LRP2: variants seen among roughly 807,000 people sequenced by gnomAD.
The protein encoded by LRP2 is low-density lipoprotein receptor-related protein 2.
LRP2 carries 172 observed loss-of-function variants against 531.0 expected under a neutral mutation model. The ratio of observed to expected loss-of-function variants is 0.32; its 90% CI spans 0.29 to 0.37. LRP2 has a LOEUF of 0.37. Among genes scored for constraint, LRP2 ranks in the 10% least tolerant of loss-of-function variants. The pLI is 1.00. For missense variants in LRP2, 5,167 were observed against 5,868.3 expected (o/e 0.88, Z 3.90); for synonymous variants, 1,992 against 2,027.6 (o/e 0.98, Z 0.47).
intron 33 of LRP2, among the ~76,000 whole-genome samples, chr2:169,223,390 T>TC (rs1689085999): frequency 6.6e-6 from 1 of 152,206 alleles, no homozygotes; most frequent in East Asian, 1.9e-4. Flanking sequence ...CCCCATTTAC[T>TC]AATCAAGAGA....
At chr2:169,140,426 A>G (rs749832602) in intron 72 of LRP2, 29 bp downstream of exon 72, 1 of 1,583,830 alleles carries the variant, frequency 6.3e-7, no homozygotes, top group South Asian at 1.1e-5. Context: ...GGCAAGGCCT[A>G]TAGCTGGGAC....
intron 3 of LRP2, among the ~76,000 whole-genome samples, chr2:169,317,426 G>T (rs1684792561): frequency 6.6e-6 from 1 of 152,140 alleles, no homozygotes; most frequent in African/African-American, 2.4e-5. Flanking sequence ...CAGGCCTTCA[G>T]GATGCAAATT....
intron 31 of LRP2, among the ~76,000 whole-genome samples, chr2:169,228,792 T>C (rs1689294051): frequency 6.6e-6 from 1 of 152,084 alleles, no homozygotes; most frequent in Non-Finnish European, 1.5e-5. Flanking sequence ...GTGAGCATCA[T>C]GGTGGGGGAT....
chr2:169,148,815 G>A (rs1373128504), intron 68 of LRP2, among the ~76,000 whole-genome samples: 1 of 151,830 alleles, frequency 6.6e-6, no homozygotes, highest in Non-Finnish European at 1.5e-5. Context: ...TGGCTCCTTT[G>A]CCTATCAGTA....
At chr2:169,334,634 C>T (rs543143288) in intron 1 of LRP2, among the ~76,000 whole-genome samples, 2 of 152,306 alleles carry the variant, frequency 1.3e-5, no homozygotes, top group South Asian at 4.1e-4. Context: ...TCTGGCAAAG[C>T]ACTGACTGTC....
intron 76 of LRP2, among the ~76,000 whole-genome samples, chr2:169,134,994 G>A (rs1208101278): frequency 6.6e-6 from 1 of 152,058 alleles, no homozygotes; most frequent in African/African-American, 2.4e-5. Context: ...CTCCCACCTA[G>A]TCCCCCGCTG....
At chr2:169,222,200 G>T (rs1234604386) in intron 33 of LRP2, among the ~76,000 whole-genome samples, 1 of 152,120 alleles carries the variant, frequency 6.6e-6, no homozygotes, top group Non-Finnish European at 1.5e-5. Flanking sequence ...AGGGCAGTTT[G>T]CCCTTGGATC....
chr2:169,128,935 T>C (rs2105322416), intron 78 of LRP2, 78 bp downstream of exon 78: 1 of 1,532,670 alleles, frequency 6.5e-7, no homozygotes, highest in Non-Finnish European at 9.0e-7. Context: ...CAGAATAATC[T>C]AAGTGTGTGT....
At chr2:169,212,274 T>C in intron 36 of LRP2, 67 bp from the exon 37 acceptor site, 1 of 1,596,344 alleles carries the variant, frequency 6.3e-7, no homozygotes, top group Non-Finnish European at 8.6e-7. Context: ...CTCAAATTTC[T>C]TTAATTGGGT....
rs1222400860 is a variant in LRP2 at position 169,128,791 on chromosome 2, G to A, written c.13840C>T (p.Pro4614Ser). The A allele has an allele frequency of 2.5e-6, 4 of 1,613,990 alleles. No homozygotes were observed. Among genetic ancestry groups the A allele is most frequent in the Admixed American group, 1.7e-5 (1 of 59,980 alleles). The change falls in exon 79 of 79, where the codon CCT (proline) becomes TCT (serine). Residue 4614 changes from proline to serine, a missense_variant. Transcript: ENST00000649046. ...TTAGCAGGGAGCGAAGGTGATGGAG[G>A]TGGTGTCGCAGCAACACTTTCCTTT... is the stretch of plus-strand genomic sequence containing the variant. Reference protein sequence around the residue: ...EQKESVAATPPPSPSLPAKPK... With the variant: ...EQKESVAATPSPSPSLPAKPK...
intron 10 of LRP2, among the ~76,000 whole-genome samples, chr2:169,282,330 T>G (rs1683724994): frequency 6.6e-6 from 1 of 152,218 alleles, no homozygotes; most frequent in Non-Finnish European, 1.5e-5. Context: ...TTGCAGATTT[T>G]CTCCATGACT....
chr2:169,145,790 G>A lies in LRP2; in HGVS notation c.12945C>T (p.Leu4315=), dbSNP rs775003784. The change falls in exon 70 of 79, where the codon CTC becomes CTT. Residue 4315 remains leucine, a synonymous_variant. Coordinates refer to ENST00000649046, the MANE Select transcript of LRP2 (RefSeq NM_004525.3). ...KEKTLVVNPW[L]TQVRIFHQLR... Reference sequence around the variant, plus strand: ...GTTGATGAAAGATTCGAACTTGAGTGAGCCAAGGGTTCACTACCAGCGTTT... The same window carrying A: ...GTTGATGAAAGATTCGAACTTGAGTAAGCCAAGGGTTCACTACCAGCGTTT... 3 of 1,614,014 alleles carry A rather than the reference G, an allele frequency of 1.9e-6. No individual in the cohort carries two copies. Among genetic ancestry groups the A allele is most frequent in the Admixed American group, 1.7e-5 (1 of 60,000 alleles).
intron 37 of LRP2, among the ~76,000 whole-genome samples, chr2:169,210,784 A>G (rs918608193): frequency 5.3e-5 from 8 of 152,236 alleles, no homozygotes; most frequent in African/African-American, 1.9e-4. Context: ...AATATTTCAT[A>G]ATGCCCTTTG....
At chr2:169,272,739 T>C (rs1683451021) in intron 15 of LRP2, among the ~76,000 whole-genome samples, 188 bp downstream of exon 15, 1 of 152,146 alleles carries the variant, frequency 6.6e-6, no homozygotes, top group Non-Finnish European at 1.5e-5. Context: ...TTTTCAAACA[T>C]AGTTCTGTGT....
intron 22 of LRP2, among the ~76,000 whole-genome samples, chr2:169,244,021 T>G (rs1003832644): frequency 6.6e-6 from 1 of 152,196 alleles, no homozygotes; most frequent in African/African-American, 2.4e-5. Context: ...TCGGATGCAG[T>G]GGCTGGCCCC....
chr2:169,314,073 T>C lies in LRP2; in HGVS notation c.310+4689A>G, dbSNP rs76179039. ...ATAAAATTAGATCTGTTAAGGAATG[T>C]ACCCCCAAAACTTAACATGAAAAAC... On this transcript the variant is annotated intron_variant, in intron 3 of 78. Transcript: ENST00000649046. Among the ~76,000 whole-genome samples the C allele has an allele frequency of 3.5e-3, 533 of 152,278 alleles. 3 individuals are homozygous for C. The highest frequency in any genetic ancestry group is 0.012 in the African/African-American group (517 of 41,558).
chr2:169,244,961 A>G lies in LRP2; in HGVS notation c.3191-29T>C, dbSNP rs570209519. 1.1e-5 allele frequency: 18 copies of G among 1,613,902 alleles called. No individual in the cohort carries two copies. In the African/African-American group the frequency reaches 2.4e-4, roughly 22 times the overall value. On this transcript the variant is annotated intron_variant, in intron 21 of 78. Transcript: ENST00000649046. ...CAATAGTAACAAACTGGTCATGAAGACATTTGTTTTTACAGCCTTTTAAAT... is the reference window on the plus strand; with the variant it reads ...CAATAGTAACAAACTGGTCATGAAGGCATTTGTTTTTACAGCCTTTTAAAT...
At chr2:169,330,202 G>A (rs1685228570) in intron 1 of LRP2, among the ~76,000 whole-genome samples, 1 of 152,118 alleles carries the variant, frequency 6.6e-6, no homozygotes, top group Admixed American at 6.5e-5. Flanking sequence ...CTAGTGACCA[G>A]CCCCCACCAT....
chr2:169,318,890 A>T lies in LRP2; in HGVS notation c.188-6T>A, dbSNP rs1362784561. On this transcript the variant is annotated splice_polypyrimidine_tract_variant and splice_region_variant and intron_variant, in intron 2 of 78. Coordinates refer to ENST00000649046, the MANE Select transcript of LRP2 (RefSeq NM_004525.3). ...CTGCTGGCAGGTCACAACAGCTAAA[A>T]CAAACCAAAAGAGGACTCATTATGG... The T allele has an allele frequency of 6.2e-7, 1 of 1,614,058 alleles. No individual in the cohort carries two copies. The highest frequency in any genetic ancestry group is 8.5e-7 in the Non-Finnish European group (1 of 1,179,952).
Sources: allele counts gnomAD v4.1 joint callset (sites outside exome capture counted in the v4.1 genomes callset), GRCh38; gene constraint gnomAD v4.1.1; transcripts MANE v1.5; gene names NCBI Gene and HGNC (gene_info 2026-07-23, HGNC 2026-07-21).